The following RIMS2 variants were observed in gnomAD, a reference collection of about 807,000 sequenced individuals.
RIMS2 encodes regulating synaptic membrane exocytosis protein 2.
A neutral mutation model predicts 174.4 loss-of-function variants in RIMS2; 59 were observed. That is an observed-to-expected ratio of 0.34 (90% CI 0.27 to 0.42). The LOEUF is 0.42. RIMS2 is among the 10% of genes least tolerant of loss of function. The probability of loss-of-function intolerance (pLI) is 1.00; values close to 1 mark genes in which losing one functional copy is unlikely to be tolerated. For missense variants in RIMS2, 1,620 were observed against 1,666.3 expected, an observed-to-expected ratio of 0.97 and a Z score of 0.48; for synonymous variants, 606 against 572.5, an observed-to-expected ratio of 1.06 and a Z score of -0.84.
Position 103,737,819 on chromosome 8 carries a change from A to G in RIMS2, c.388-28408A>G, listed in dbSNP as rs552116917. Among the ~76,000 whole-genome samples, 5 of 152,286 alleles carry G rather than the reference A, an allele frequency of 3.3e-5. No homozygotes were observed. In the East Asian group the frequency reaches 9.6e-4, roughly 29 times the overall value. ...TGGCAAGCTCATTCTCATCTTTGAT[A>G]TAGTTCTCCTGTCATCATTTTACAG... On this transcript the variant is annotated intron_variant, in intron 2 of 23. Transcript: ENST00000504942.
At chr8:103,768,787 A>C in intron 3 of RIMS2, 1 of 722,096 alleles carries the variant, frequency 1.4e-6, no homozygotes, top group Middle Eastern at 3.3e-4. Context: ...TAAGAAACCT[A>C]GGACCAAAGC....
intron 1 of RIMS2, among the ~76,000 whole-genome samples, chr8:103,513,535 G>A (rs529763851): frequency 3.3e-5 from 5 of 152,218 alleles, no homozygotes; most frequent in East Asian, 1.9e-4. Flanking sequence ...TATTTCTCTC[G>A]TGAAACATAT....
At chr8:103,800,512 C>G (rs1007752436) in intron 3 of RIMS2, among the ~76,000 whole-genome samples, 5 of 152,152 alleles carry the variant, frequency 3.3e-5, no homozygotes, top group Non-Finnish European at 7.4e-5. Flanking sequence ...TCTTCTATTA[C>G]TAATTTGCTG....
chr8:104,169,341 A>ATATATATATATAT (rs1563510137), intron 19 of RIMS2, among the ~76,000 whole-genome samples: 102 of 33,644 alleles, frequency 3.0e-3, no homozygotes, highest in South Asian at 6.1e-3. Flanking sequence ...TATATATATA[A>ATATATATATATAT]AACAGATTCA....
At chr8:103,561,319 A>C (rs2091555824) in intron 1 of RIMS2, among the ~76,000 whole-genome samples, 1 of 152,184 alleles carries the variant, frequency 6.6e-6, no homozygotes, top group Admixed American at 6.5e-5. Flanking sequence ...ATATTTGAAA[A>C]ATAAGAAACA....
intron 1 of RIMS2, among the ~76,000 whole-genome samples, chr8:103,524,600 G>C (rs1433884234): frequency 6.6e-6 from 1 of 152,156 alleles, no homozygotes; most frequent in Admixed American, 6.5e-5. Flanking sequence ...CAGCTAATGA[G>C]TACTATGATG....
intron 2 of RIMS2, among the ~76,000 whole-genome samples, chr8:103,720,684 T>C (rs2097434978): frequency 6.6e-6 from 1 of 152,202 alleles, no homozygotes; most frequent in African/African-American, 2.4e-5. Flanking sequence ...AGAGTATTTT[T>C]ATCAGCAACA....
chr8:103,977,741 T>A (rs1182086332), intron 16 of RIMS2, among the ~76,000 whole-genome samples: 4 of 152,232 alleles, frequency 2.6e-5, no homozygotes, highest in Non-Finnish European at 5.9e-5. Context: ...AATTGGAGTT[T>A]CCATAGCCCC....
chr8:104,216,148 A>G (rs1271671208), intron 19 of RIMS2, among the ~76,000 whole-genome samples: 1 of 152,232 alleles, frequency 6.6e-6, no homozygotes, highest in Non-Finnish European at 1.5e-5. Flanking sequence ...GCTGATTCCT[A>G]AAACTTTTTG....
chr8:103,924,127 AT>A (rs1479629280), intron 10 of RIMS2, among the ~76,000 whole-genome samples: 1 of 151,690 alleles, frequency 6.6e-6, no homozygotes, highest in Non-Finnish European at 1.5e-5. Context: ...ACAAAATTCA[AT>A]TGTCAGAATA....
chr8:104,213,535 T>A (rs926462942), intron 19 of RIMS2, among the ~76,000 whole-genome samples: 3 of 152,136 alleles, frequency 2.0e-5, no homozygotes, highest in African/African-American at 7.2e-5. Flanking sequence ...CTTAAGAAAG[T>A]GCCTGGGAAA....
intron 19 of RIMS2, 77 bp downstream of exon 24, chr8:104,093,720 A>T (rs1598664830): frequency 1.8e-6 from 2 of 1,131,530 alleles, no homozygotes; most frequent in East Asian, 5.0e-5. Context: ...ACATAAAATT[A>T]TTTATTTCTA....
At chr8:104,049,615 T>C (rs1482324413) in intron 19 of RIMS2, among the ~76,000 whole-genome samples, 1 of 152,104 alleles carries the variant, frequency 6.6e-6, no homozygotes, top group Non-Finnish European at 1.5e-5. Context: ...GTTTCATCAT[T>C]GTTAAAAAAA....
chr8:103,626,512 A>G (rs561293896), intron 1 of RIMS2, among the ~76,000 whole-genome samples: 106 of 152,382 alleles, frequency 7.0e-4, no homozygotes, highest in Non-Finnish European at 9.6e-4. Flanking sequence ...ATAAAAAACT[A>G]CAAACAAGTT....
chr8:104,055,197 C>T (rs181441118), intron 19 of RIMS2, among the ~76,000 whole-genome samples: 302 of 152,014 alleles, frequency 2.0e-3, no homozygotes, highest in Non-Finnish European at 2.0e-3. Context: ...TTAATACTCT[C>T]AAAAATATTC....
At chr8:103,715,462 C>T (rs957961157) in intron 2 of RIMS2, among the ~76,000 whole-genome samples, 1 of 152,124 alleles carries the variant, frequency 6.6e-6, no homozygotes, top group South Asian at 2.1e-4. Context: ...CTCTGAGTCA[C>T]AAATGTTGTA....
rs186464707 is a variant in RIMS2 at position 104,188,331 on chromosome 8, C to A, written c.3335-56585C>A. On this transcript the variant is annotated intron_variant, in intron 19 of 23. Coordinates refer to ENST00000504942, the Ensembl canonical transcript of RIMS2. ...GATCTTTCTAATTTTTTATCTAGAG[C>A]TATCCAGAGCTTAAAAATTTCTCAG... Among the ~76,000 whole-genome samples, 31 of 151,632 alleles carry A rather than the reference C, an allele frequency of 2.0e-4. No homozygotes were observed. The East Asian group carries it at 5.8e-3, about 28-fold the overall frequency.
chr8:104,030,897 C>T (rs2096377250), intron 19 of RIMS2, among the ~76,000 whole-genome samples: 1 of 151,892 alleles, frequency 6.6e-6, no homozygotes, highest in South Asian at 2.1e-4. Flanking sequence ...TCACTCTCTC[C>T]CATTAAAATA....
intron 19 of RIMS2, among the ~76,000 whole-genome samples, chr8:104,235,364 G>T (rs184922862): frequency 3.4e-4 from 51 of 152,176 alleles, no homozygotes; most frequent in Non-Finnish European, 1.2e-4. Flanking sequence ...TCAACTGTGT[G>T]AATTGGGCAC....
Sources: allele counts gnomAD v4.1 joint callset (sites outside exome capture counted in the v4.1 genomes callset), GRCh38; gene constraint gnomAD v4.1.1; transcripts MANE v1.5; gene names NCBI Gene and HGNC (gene_info 2026-07-23, HGNC 2026-07-21).